The following RASA3 variants were observed in gnomAD, a reference collection of about 807,000 sequenced individuals.
RASA3 encodes the protein RAS p21 protein activator 3, also known as ras GTPase-activating protein 3.
Under a neutral mutation model 110.0 loss-of-function variants are expected in RASA3, and 73 were observed. The ratio of observed to expected loss-of-function variants is 0.66; its 90% CI spans 0.55 to 0.81. The LOEUF (loss-of-function observed/expected upper bound fraction) is 0.81, where lower values mean the gene tolerates loss of function less well. RASA3 is among the 30% of genes least tolerant of loss of function. RASA3 has a pLI of 0.00. For synonymous variants in RASA3, 500 were observed against 451.4 expected (o/e 1.11, Z -1.37); for missense variants, 976 against 1,113.2 (o/e 0.88, Z 1.75).
In RASA3 at chr13:114,056,475, G is replaced by T. The variant is rs2079247702; in HGVS notation, c.174-4320C>A. On this transcript the variant is annotated intron_variant, in intron 2 of 23. Coordinates refer to ENST00000334062, the MANE Select transcript of RASA3 (RefSeq NM_007368.4). The surrounding 1 kb of genome is among the most constrained non-coding windows in gnomAD (Gnocchi z 5.7). Reference sequence around the variant, plus strand: ...ACTAACCCCAGGGCTTGGGCAGCAGGGCTGAGAGTGCGGCGTCCCTGGGCG... The same window carrying T: ...ACTAACCCCAGGGCTTGGGCAGCAGTGCTGAGAGTGCGGCGTCCCTGGGCG... The T allele has an allele frequency of 1.0e-6, 1 of 985,250 alleles. No homozygotes were observed. Among genetic ancestry groups the T allele is most frequent in the African/African-American group, 1.7e-5 (1 of 57,224 alleles). 61.0% of individuals were successfully genotyped at this position (985,250 alleles called of 1,614,324 possible).
chr13:114,105,044 A>G lies in RASA3; in HGVS notation c.55+27391T>C, dbSNP rs2080115772. ...TCGGGCCATAAACACCCTTTGGCCA[A>G]TTGGCGCACCCTCCTCCAACAGACT... On this transcript the variant is annotated intron_variant, in intron 1 of 23. Transcript: ENST00000334062. Among the ~76,000 whole-genome samples the G allele has an allele frequency of 2.6e-5, 4 of 151,896 alleles. No individual in the cohort carries two copies. The South Asian group carries it at 8.3e-4, about 32-fold the overall frequency.
intron 1 of RASA3, among the ~76,000 whole-genome samples, chr13:114,083,226 C>T (rs902597202): frequency 1.3e-5 from 2 of 152,192 alleles, no homozygotes; most frequent in African/African-American, 2.4e-5. Flanking sequence ...TTTTTTTGTG[C>T]TATTGCAGTG....
At chr13:114,073,895 C>T in intron 1 of RASA3, 58 bp from the exon 2 acceptor site, 3 of 1,381,770 alleles carry the variant, frequency 2.2e-6, no homozygotes, top group East Asian at 4.6e-5. Flanking sequence ...TTCCCTGCTA[C>T]ATCGCAGACA....
chr13:113,979,207 C>A lies in RASA3; in HGVS notation c.*140G>T. 1 of 814,296 alleles carries A rather than the reference C, an allele frequency of 1.2e-6. No homozygotes were observed. The allele number at this position is 814,296 out of a possible 1,614,324, so 50.4% of individuals were successfully genotyped here. On this transcript the variant is annotated 3_prime_UTR_variant, in exon 24 of 24. Transcript: ENST00000334062. ...TGGCAGCGGTTCTGGGAGAGGGAAA[C>A]CCCAGCGCCACTTGTCTATGGGCCG...
chr13:114,116,561 T>C, intron 1 of RASA3, among the ~76,000 whole-genome samples: 1 of 124,776 alleles, frequency 8.0e-6, no homozygotes, highest in East Asian at 1.9e-4. Flanking sequence ...GAGTTAATGC[T>C]TAATTTATTT....
chr13:114,017,597 G>A (rs1286115876), intron 11 of RASA3, among the ~76,000 whole-genome samples: 4 of 152,370 alleles, frequency 2.6e-5, no homozygotes, highest in South Asian at 2.1e-4. Flanking sequence ...AGCTCAGGAG[G>A]AGCCTGGCTG....
intron 2 of RASA3, among the ~76,000 whole-genome samples, chr13:114,060,807 G>A (rs1023444718): frequency 1.3e-5 from 2 of 152,222 alleles, no homozygotes; most frequent in African/African-American, 2.4e-5. Flanking sequence ...GGGAGGCAGA[G>A]GCCTCACCTT....
chr13:114,052,042 C>A lies in RASA3; in HGVS notation c.277+10G>T. The A allele has an allele frequency of 6.4e-7, 1 of 1,573,580 alleles. No individual in the cohort carries two copies. Among genetic ancestry groups the A allele is most frequent in the South Asian group, 1.1e-5 (1 of 90,170 alleles). On this transcript the variant is annotated intron_variant, in intron 3 of 23. Transcript: ENST00000334062. ...AGAAAAGGGGAAGTAAATGCTCATT[C>A]ATCACCTACCTATGATGGAATCCCT...
chr13:114,119,733 T>C (rs1013339540), intron 1 of RASA3, among the ~76,000 whole-genome samples: 1 of 4,440 alleles, frequency 2.3e-4, no homozygotes, highest in Admixed American at 2.7e-3. Context: ...GGGCCCCCCC[T>C]CCCTCTCTCC....
At chr13:114,076,366 C>T (rs980175918) in intron 1 of RASA3, among the ~76,000 whole-genome samples, 1 of 152,218 alleles carries the variant, frequency 6.6e-6, no homozygotes, top group African/African-American at 2.4e-5. Context: ...CTTCTTCACC[C>T]GCTGCATGGG....
intron 4 of RASA3, among the ~76,000 whole-genome samples, chr13:114,038,207 C>T (rs987026328): frequency 3.3e-5 from 5 of 152,238 alleles, no homozygotes; most frequent in Non-Finnish European, 4.4e-5. Flanking sequence ...ACCCCAGCGA[C>T]GGCGGGTATC....
Position 114,029,943 on chromosome 13 carries a change from T to C in RASA3, c.373-56A>G, listed in dbSNP as rs546164232. The C allele has an allele frequency of 2.8e-4, 412 of 1,478,228 alleles. 2 individuals carry two copies. The highest frequency in any genetic ancestry group is 2.0e-3 in the Middle Eastern group (9 of 4,558). The allele number at this position is 1,478,228 out of a possible 1,614,324, so 91.6% of individuals were successfully genotyped here. On this transcript the variant is annotated intron_variant, in intron 4 of 23. Coordinates refer to ENST00000334062, the MANE Select transcript of RASA3 (RefSeq NM_007368.4). Reference sequence around the variant, plus strand: ...CTGTGGCGCTGCTCCCACAGGCCACTAGGGCCGCGCGCCCAGGGAAAGCCT... The same window carrying C: ...CTGTGGCGCTGCTCCCACAGGCCACCAGGGCCGCGCGCCCAGGGAAAGCCT...
intron 4 of RASA3, among the ~76,000 whole-genome samples, chr13:114,031,094 C>T (rs751372377): frequency 3.0e-5 from 4 of 131,168 alleles, no homozygotes; most frequent in Non-Finnish European, 6.3e-5. Context: ...CCTGTGTGTG[C>T]ATGTGATTGT....
intron 21 of RASA3, among the ~76,000 whole-genome samples, chr13:113,993,479 T>C (rs2053164440): frequency 6.6e-6 from 1 of 151,800 alleles, no homozygotes; most frequent in African/African-American, 2.4e-5. Context: ...CCCGGCCTCA[T>C]GTCTTTTTAT....
intron 3 of RASA3, among the ~76,000 whole-genome samples, chr13:114,041,573 A>G (rs2139470393): frequency 6.6e-6 from 1 of 152,330 alleles, no homozygotes; most frequent in South Asian, 2.1e-4. Flanking sequence ...TGATCTCACA[A>G]ATGAACACCC....
Position 113,979,968 on chromosome 13 carries a change from C to G in RASA3, c.2430-546G>C, listed in dbSNP as rs530505076. Among the ~76,000 whole-genome samples, 15 of 146,314 alleles carry G rather than the reference C, an allele frequency of 1.0e-4. No individual in the cohort carries two copies. The East Asian group carries it at 3.1e-3, about 31-fold the overall frequency. Reference sequence around the variant, plus strand: ...CCTCCCACGTGTGTGCACCTCCTTCCACGTGTACCTCCTCCCATGTGTGTG... The same window carrying G: ...CCTCCCACGTGTGTGCACCTCCTTCGACGTGTACCTCCTCCCATGTGTGTG... On this transcript the variant is annotated intron_variant, in intron 23 of 23. Coordinates refer to ENST00000334062, the MANE Select transcript of RASA3 (RefSeq NM_007368.4).
chr13:114,087,946 A>G (rs1234209353), intron 1 of RASA3, among the ~76,000 whole-genome samples: 1 of 152,244 alleles, frequency 6.6e-6, no homozygotes, highest in Non-Finnish European at 1.5e-5. Context: ...CCTGGCCAAC[A>G]TAGCGAAACC....
At chr13:114,018,027 C>T (rs1225541428) in intron 11 of RASA3, 77 bp downstream of exon 11, 21 of 1,409,528 alleles carry the variant, frequency 1.5e-5, no homozygotes, top group Admixed American at 2.9e-5. Context: ...CCCCAGGACA[C>T]GTGGTTCTCG....
At chr13:114,102,652 C>T (rs2080074314) in intron 1 of RASA3, among the ~76,000 whole-genome samples, 1 of 152,190 alleles carries the variant, frequency 6.6e-6, no homozygotes, top group Non-Finnish European at 1.5e-5. Context: ...GTGGCAGGGG[C>T]AGAAGTGGGA....
Sources: allele counts gnomAD v4.1 joint callset (sites outside exome capture counted in the v4.1 genomes callset), GRCh38; gene constraint gnomAD v4.1.1; non-coding constraint Gnocchi (gnomAD v3.1); transcripts MANE v1.5; gene names NCBI Gene and HGNC (gene_info 2026-07-23, HGNC 2026-07-21).